Variants in CUL1 observed in about 807,000 individuals in gnomAD.
CUL1 encodes the protein cullin 1, also known as cullin-1.
CUL1 carries 24 observed loss-of-function variants against 118.0 expected under a neutral mutation model. The ratio of observed to expected loss-of-function variants is 0.20; its 90% confidence interval spans 0.15 to 0.29. CUL1 has a LOEUF of 0.29. Among genes scored for constraint, CUL1 ranks in the 10% least tolerant of loss-of-function variants. The pLI, the probability that CUL1 is intolerant of heterozygous loss-of-function variation, is 1.00. For missense variants in CUL1, 361 were observed against 933.8 expected, an observed-to-expected ratio of 0.39 and a Z score of 7.99; for synonymous variants, 332 against 340.4, an observed-to-expected ratio of 0.98 and a Z score of 0.27.
chr7:148,740,469 A>C (rs1481928638), intron 2 of CUL1, among the ~76,000 whole-genome samples: 1 of 152,206 alleles, frequency 6.6e-6, no homozygotes, highest in African/African-American at 2.4e-5. Context: ...TCAATTTTAG[A>C]AGATTTTCAT....
chr7:148,733,177 T>C (rs1431589842), intron 2 of CUL1, among the ~76,000 whole-genome samples: 1 of 152,226 alleles, frequency 6.6e-6, no homozygotes, highest in South Asian at 2.1e-4. Flanking sequence ...CTACTGTATT[T>C]GAATGGATCA....
chr7:148,767,641 T>A lies in CUL1; in HGVS notation c.975T>A (p.Leu325=). 1.9e-6 allele frequency: 3 copies of A among 1,613,886 alleles called. No individual in the cohort carries two copies. Among genetic ancestry groups the A allele is most frequent in the Non-Finnish European group, 2.5e-6 (3 of 1,179,924 alleles). ...KNEDLGRMYN[L]VSRIQDGLGE... The stretch of plus-strand genomic sequence containing the variant: ...CAGATTTGGGACGCATGTATAATCT[T>A]GTATCTAGAATCCAGGATGGCCTAG... The change falls in exon 9 of 22, where the codon CTT becomes CTA. Residue 325 remains leucine, a synonymous_variant. Transcript: ENST00000325222.
intron 9 of CUL1, among the ~76,000 whole-genome samples, chr7:148,775,031 G>A (rs1800352180): frequency 6.6e-6 from 1 of 152,124 alleles, no homozygotes; most frequent in African/African-American, 2.4e-5. Flanking sequence ...GAGTACATTA[G>A]CAGAAAAAGT....
chr7:148,723,218 C>T (rs533230616), intron 1 of CUL1, among the ~76,000 whole-genome samples: 3 of 152,270 alleles, frequency 2.0e-5, no homozygotes, highest in African/African-American at 7.2e-5. Flanking sequence ...TATGGGTTCT[C>T]CATCATCTTG....
intron 11 of CUL1, 80 bp downstream of exon 11, chr7:148,784,157 AT>A: frequency 1.8e-6 from 2 of 1,092,642 alleles, no homozygotes; most frequent in Non-Finnish European, 2.8e-6. Context: ...CCTACATTAC[AT>A]TTTACATACA....
chr7:148,754,655 G>T (rs190299403), intron 3 of CUL1, among the ~76,000 whole-genome samples: 1 of 152,196 alleles, frequency 6.6e-6, no homozygotes, highest in East Asian at 1.9e-4. Context: ...CTATCAAGGT[G>T]TAGAAATAAT....
intron 1 of CUL1, among the ~76,000 whole-genome samples, chr7:148,709,463 A>C (rs1367880731): frequency 6.6e-6 from 1 of 152,232 alleles, no homozygotes; most frequent in African/African-American, 2.4e-5. Context: ...GACGATAACA[A>C]AACTATGGGG....
intron 1 of CUL1, among the ~76,000 whole-genome samples, chr7:148,700,932 T>C (rs1797701627): frequency 6.6e-6 from 1 of 152,142 alleles, no homozygotes; most frequent in Non-Finnish European, 1.5e-5. Context: ...CAGACACGCA[T>C]GCCTGAGCTG....
chr7:148,698,693 C>T (rs1797602174), upstream of CUL1: 1 of 152,062 alleles, frequency 6.6e-6, no homozygotes, highest in Non-Finnish European at 1.5e-5. Context: ...CCGGCTCCCC[C>T]GCCCCGGACG....
At chr7:148,769,397 T>TCACACACACACACACACACACA (rs55858322) in intron 9 of CUL1, among the ~76,000 whole-genome samples, 3 of 129,042 alleles carry the variant, frequency 2.3e-5, no homozygotes, top group East Asian at 2.3e-4. Flanking sequence ...AGGGCCTGAT[T>TCACACACACACACACACACACA]CACACACACA....
At chr7:148,747,824 A>G (rs1218046767) in intron 2 of CUL1, among the ~76,000 whole-genome samples, 1 of 152,264 alleles carries the variant, frequency 6.6e-6, no homozygotes, top group East Asian at 1.9e-4. Flanking sequence ...ACTTAACCAG[A>G]TGGCAGATCA....
intron 1 of CUL1, among the ~76,000 whole-genome samples, chr7:148,704,750 A>G (rs1323674161): frequency 6.6e-6 from 1 of 152,372 alleles, no homozygotes; most frequent in East Asian, 1.9e-4. Context: ...GATGAAAACC[A>G]GAATGTTAGC....
At chr7:148,730,314 A>G (rs1445972481) in intron 2 of CUL1, 52 bp downstream of exon 2, 12 of 1,530,352 alleles carry the variant, frequency 7.8e-6, no homozygotes, top group Non-Finnish European at 1.1e-5. Flanking sequence ...ATTATTTACT[A>G]GTATGACTTA....
intron 9 of CUL1, among the ~76,000 whole-genome samples, chr7:148,778,096 A>AAAAAAAAAAAAAAAAAAC (rs1563166639): frequency 1.7e-5 from 1 of 59,306 alleles, no homozygotes; most frequent in Admixed American, 2.2e-4. Flanking sequence ...AAAAAAAAAA[A>AAAAAAAAAAAAAAAAAAC]AGAAGAAGAA....
intron 1 of CUL1, among the ~76,000 whole-genome samples, chr7:148,724,808 T>C (rs1798509046): frequency 6.6e-6 from 1 of 152,234 alleles, no homozygotes; most frequent in Non-Finnish European, 1.5e-5. Context: ...CTGAGTACTT[T>C]TGAAAACTAC....
chr7:148,719,306 G>A (rs1331899197), intron 1 of CUL1, among the ~76,000 whole-genome samples: 5 of 148,060 alleles, frequency 3.4e-5, no homozygotes, highest in Non-Finnish European at 5.9e-5. Context: ...GCGAGACTTC[G>A]TCAAAAAAAA....
chr7:148,710,925 C>T (rs920029104), intron 1 of CUL1, among the ~76,000 whole-genome samples: 1 of 152,100 alleles, frequency 6.6e-6, no homozygotes, highest in Non-Finnish European at 1.5e-5. Context: ...GCCTCGGCCT[C>T]CCAAAGTACT....
chr7:148,790,222 A>G (rs1800958552), intron 15 of CUL1, 88 bp from the exon 16 acceptor site: 2 of 1,401,870 alleles, frequency 1.4e-6, no homozygotes, highest in Non-Finnish European at 2.0e-6. Flanking sequence ...TTTGTACTGT[A>G]AGCTTGGAAC....
chr7:148,799,276 C>T lies in CUL1; in HGVS notation c.2138C>T (p.Ala713Val). 1 of 1,611,354 alleles carries T rather than the reference C, an allele frequency of 6.2e-7. No individual in the cohort carries two copies. Among genetic ancestry groups the T allele is most frequent in the Non-Finnish European group, 8.5e-7 (1 of 1,177,686 alleles). ...CTTTTTCCTTATCTTGTTGCATAGGCGGCCATCGTGAGAATCATGAAGATG... is the reference window on the plus strand; with the variant it reads ...CTTTTTCCTTATCTTGTTGCATAGGTGGCCATCGTGAGAATCATGAAGATG... ...IEEDRKLLIQ[A>V]AIVRIMKMRK... Residue 713 changes from alanine (A) to valine (V), a missense_variant and splice_region_variant, in exon 21 of 22, where the codon GCG (alanine) becomes GTG (valine). Around this residue, in one of 7 missense-constraint regions of CUL1, gnomAD observed 24 missense variants for 126.7 expected, o/e 0.19. Coordinates refer to ENST00000325222, the MANE Select transcript of CUL1 (RefSeq NM_003592.3).
Sources: allele counts gnomAD v4.1 joint callset (sites outside exome capture counted in the v4.1 genomes callset), GRCh38; gene constraint gnomAD v4.1.1; regional missense constraint gnomAD v4.1.1; transcripts MANE v1.5; gene names NCBI Gene and HGNC (gene_info 2026-07-23, HGNC 2026-07-21).